The following XRCC4 variants were observed in gnomAD, a reference collection of about 807,000 sequenced individuals.
XRCC4 encodes the protein X-ray repair cross complementing 4.
A neutral mutation model predicts 39.1 loss-of-function variants in XRCC4; 28 were observed. The ratio of observed to expected loss-of-function variants is 0.72; its 90% CI spans 0.53 to 0.98. The LOEUF is 0.98. XRCC4 is among the 50% of genes least tolerant of loss of function. The pLI is 0.00. For missense variants in XRCC4, 350 were observed against 376.4 expected (o/e 0.93, Z 0.58); for synonymous variants, 123 against 126.4 (o/e 0.97, Z 0.18).
rs868279334 is a variant in XRCC4 at position 83,077,552 on chromosome 5, T to C, written c.-74T>C. ...CGGAAGTAGCTGATACTCTCATTGG[T>C]TGCAAAACCTTGATCTGTGAAAGCG... On this transcript the variant is annotated 5_prime_UTR_variant, in exon 1 of 8. Transcript: ENST00000396027. The C allele has an allele frequency of 5.2e-6, 3 of 581,452 alleles. No homozygotes were observed. The South Asian group carries it at 6.1e-5, about 12-fold the overall frequency. The allele number at this position is 581,452 out of a possible 1,614,324, so 36.0% of individuals were successfully genotyped here.
At position 83,339,600 on chromosome 5, in the gene XRCC4, C is replaced by T. The variant is rs543135183; in HGVS notation, c.894-13531C>T. On this transcript the variant is annotated intron_variant, in intron 7 of 7. Transcript: ENST00000396027. ...ATGTAACAAACCCGCACATTCTGCACATGTAACCCAGAACTTAAAGTATAA... is the reference window on the plus strand; with the variant it reads ...ATGTAACAAACCCGCACATTCTGCATATGTAACCCAGAACTTAAAGTATAA... Among the ~76,000 whole-genome samples the T allele has an allele frequency of 2.0e-5, 3 of 151,756 alleles. No individual in the cohort carries two copies. The South Asian group carries it at 6.3e-4, about 32-fold the overall frequency.
intron 6 of XRCC4, among the ~76,000 whole-genome samples, chr5:83,231,612 A>G (rs1486716591): frequency 6.6e-6 from 1 of 152,108 alleles, no homozygotes; most frequent in African/African-American, 2.4e-5. Context: ...CTGGCATAAC[A>G]TCAGGACTAC....
intron 4 of XRCC4, among the ~76,000 whole-genome samples, chr5:83,200,511 A>T (rs1433936995): frequency 6.6e-6 from 1 of 152,116 alleles, no homozygotes; most frequent in Non-Finnish European, 1.5e-5. Context: ...TAGGAATATT[A>T]TATGATATTT....
chr5:83,283,842 T>C (rs1166902756), intron 7 of XRCC4, among the ~76,000 whole-genome samples: 2 of 152,044 alleles, frequency 1.3e-5, no homozygotes, highest in African/African-American at 2.4e-5. Flanking sequence ...CCCAAAGTAA[T>C]GGATCTGTGT....
chr5:83,194,312 C>G (rs1033315358), intron 3 of XRCC4, among the ~76,000 whole-genome samples: 1 of 152,108 alleles, frequency 6.6e-6, no homozygotes, highest in Admixed American at 6.6e-5. Context: ...GGTAACTGTT[C>G]AAATTTACTT....
At chr5:83,241,253 A>AG (rs1752898163) in intron 6 of XRCC4, among the ~76,000 whole-genome samples, 1 of 152,088 alleles carries the variant, frequency 6.6e-6, no homozygotes, top group African/African-American at 2.4e-5. Flanking sequence ...AAAAAAAAAA[A>AG]AAAAATTCAG....
At chr5:83,230,332 C>G (rs564222008) in intron 6 of XRCC4, among the ~76,000 whole-genome samples, 6 of 151,886 alleles carry the variant, frequency 4.0e-5, no homozygotes, top group African/African-American at 1.4e-4. Context: ...ACATAGCAAA[C>G]CTACACAGGC....
At chr5:83,112,944 C>G (rs1746517462) in intron 3 of XRCC4, among the ~76,000 whole-genome samples, 1 of 152,136 alleles carries the variant, frequency 6.6e-6, no homozygotes, top group Admixed American at 6.5e-5. Flanking sequence ...CGCCCAGCCC[C>G]TCCCAAATCT....
intron 6 of XRCC4, among the ~76,000 whole-genome samples, chr5:83,239,741 A>G (rs1752830197): frequency 6.6e-6 from 1 of 151,940 alleles, no homozygotes; most frequent in African/African-American, 2.4e-5. Context: ...AGCCAGGGGA[A>G]TGGTGTGAAC....
At chr5:83,129,906 T>C (rs1177523967) in intron 3 of XRCC4, among the ~76,000 whole-genome samples, 1 of 152,184 alleles carries the variant, frequency 6.6e-6, no homozygotes, top group Non-Finnish European at 1.5e-5. Flanking sequence ...AATCATGTCA[T>C]CTGCAAACAG....
chr5:83,123,774 C>T (rs531085205), intron 3 of XRCC4, among the ~76,000 whole-genome samples: 5 of 152,196 alleles, frequency 3.3e-5, no homozygotes, highest in Non-Finnish European at 7.4e-5. Context: ...TGATATACTA[C>T]TTCACAGATA....
intron 7 of XRCC4, among the ~76,000 whole-genome samples, chr5:83,351,649 G>A (rs1013976803): frequency 2.0e-5 from 3 of 151,756 alleles, no homozygotes; most frequent in Non-Finnish European, 2.9e-5. Flanking sequence ...TTTTAACATC[G>A]CAAATCCCAG....
intron 3 of XRCC4, among the ~76,000 whole-genome samples, chr5:83,145,212 C>T (rs1748395728): frequency 6.6e-6 from 1 of 152,168 alleles, no homozygotes; most frequent in Non-Finnish European, 1.5e-5. Flanking sequence ...TATTTTTAAT[C>T]CTTAATTACA....
intron 3 of XRCC4, among the ~76,000 whole-genome samples, chr5:83,166,806 A>G (rs569409397): frequency 2.0e-5 from 3 of 152,022 alleles, no homozygotes; most frequent in African/African-American, 7.2e-5. Context: ...CAACTTTGCC[A>G]GCATCCGTTA....
At chr5:83,251,311 G>T in intron 6 of XRCC4, among the ~76,000 whole-genome samples, 1 of 151,956 alleles carries the variant, frequency 6.6e-6, no homozygotes, top group South Asian at 2.1e-4. Context: ...GGATCACGAC[G>T]TCAGCAGATC....
intron 4 of XRCC4, among the ~76,000 whole-genome samples, chr5:83,198,322 G>A (rs1433967062): frequency 1.3e-5 from 2 of 152,060 alleles, no homozygotes; most frequent in Admixed American, 1.3e-4. Flanking sequence ...GTAAGGGATG[G>A]GAATTCCCAT....
chr5:83,100,409 G>C (rs1745875576), intron 1 of XRCC4, among the ~76,000 whole-genome samples: 1 of 151,900 alleles, frequency 6.6e-6, no homozygotes, highest in African/African-American at 2.4e-5. Flanking sequence ...AAAGTAGAAG[G>C]AGTTACTGAA....
intron 1 of XRCC4, among the ~76,000 whole-genome samples, chr5:83,094,566 C>G (rs1018836823): frequency 2.0e-5 from 3 of 151,626 alleles, no homozygotes; most frequent in African/African-American, 7.3e-5. Flanking sequence ...TCGTTGTATT[C>G]TTCATCTCCT....
At chr5:83,093,022 C>CACAT (rs1244417696) in intron 1 of XRCC4, among the ~76,000 whole-genome samples, 6 of 151,584 alleles carry the variant, frequency 4.0e-5, no homozygotes, top group South Asian at 2.1e-4. Context: ...TGGACACACA[C>CACAT]ACACACACAC....
Sources: gnomAD v4.1 joint callset for allele counts (sites outside exome capture counted in the v4.1 genomes callset) on GRCh38, gnomAD v4.1.1 for gene constraint, MANE v1.5 for transcripts, NCBI Gene and HGNC (gene_info 2026-07-23, HGNC 2026-07-21) for gene names.